TSPAN9: variants seen among roughly 807,000 people sequenced by gnomAD.
TSPAN9 encodes tetraspanin-9.
A neutral mutation model predicts 31.0 loss-of-function variants in TSPAN9; 16 were observed. That is an observed-to-expected ratio of 0.52 (90% CI 0.35 to 0.78). The LOEUF (loss-of-function observed/expected upper bound fraction) is 0.78, where lower values mean the gene tolerates loss of function less well. Among genes scored for constraint, TSPAN9 ranks in the 30% least tolerant of loss-of-function variants. TSPAN9 has a pLI of 0.01. For missense variants in TSPAN9, 272 were observed against 312.5 expected (o/e 0.87, Z 0.98); for synonymous variants, 145 against 121.6 (o/e 1.19, Z -1.27).
At chr12:3,161,089 G>A (rs193289703) in intron 2 of TSPAN9, among the ~76,000 whole-genome samples, 5 of 152,270 alleles carry the variant, frequency 3.3e-5, no homozygotes, top group Admixed American at 1.3e-4. Flanking sequence ...GCATGGTGGT[G>A]CATACCTGTA....
Position 3,275,334 on chromosome 12 carries a change from C to T in TSPAN9, c.64-3087C>T, listed in dbSNP as rs973391811. On this transcript the variant is annotated intron_variant, in intron 3 of 8. Coordinates refer to ENST00000011898, the MANE Select transcript of TSPAN9 (RefSeq NM_006675.5). ...GCCCGAGAAGGGTCCGGGCTCTGAG[C>T]TCTGGGGTCCTGCGTGTCTCCAGCT... Among the ~76,000 whole-genome samples, 24 of 152,198 alleles carry T rather than the reference C, an allele frequency of 1.6e-4. 1 individual carries two copies. Among genetic ancestry groups the T allele is most frequent in the Admixed American group, 1.3e-3 (20 of 15,288 alleles).
At chr12:3,271,974 GT>G (rs926467976) in intron 3 of TSPAN9, among the ~76,000 whole-genome samples, 6 of 152,120 alleles carry the variant, frequency 3.9e-5, no homozygotes, top group African/African-American at 1.4e-4. Context: ...AGCTGTTTTG[GT>G]TTTTTTCTTT....
intron 2 of TSPAN9, among the ~76,000 whole-genome samples, chr12:3,126,501 A>G (rs551418066): frequency 9.2e-5 from 14 of 152,254 alleles, no homozygotes; most frequent in African/African-American, 3.4e-4. Context: ...CCTTTACCGC[A>G]CCTTTTCTAT....
intron 2 of TSPAN9, among the ~76,000 whole-genome samples, chr12:3,127,380 G>A (rs2153966687): frequency 6.6e-6 from 1 of 151,760 alleles, no homozygotes; most frequent in South Asian, 2.1e-4. Flanking sequence ...TTTTGAGACG[G>A]AGTCTTGCAC....
chr12:3,078,753 GTGCAAGTCCC>G (rs1483254319), intron 1 of TSPAN9, among the ~76,000 whole-genome samples: 1 of 151,698 alleles, frequency 6.6e-6, no homozygotes, highest in Non-Finnish European at 1.5e-5. Flanking sequence ...GACGCCCTGT[GTGCAAGTCCC>G]TGAACAGGTG....
At chr12:3,210,355 C>T (rs1339313108) in intron 3 of TSPAN9, among the ~76,000 whole-genome samples, 2 of 152,126 alleles carry the variant, frequency 1.3e-5, no homozygotes, top group South Asian at 2.1e-4. Context: ...TTTTGGCATT[C>T]TCCAGTACAG....
intron 2 of TSPAN9, among the ~76,000 whole-genome samples, chr12:3,182,467 CTT>C (rs559037493): frequency 1.4e-5 from 2 of 146,784 alleles, no homozygotes; most frequent in African/African-American, 2.5e-5. Flanking sequence ...CTCTTCCTAC[CTT>C]TTTTTTTTTC....
intron 3 of TSPAN9, among the ~76,000 whole-genome samples, chr12:3,260,321 C>G (rs1431448804): frequency 1.3e-5 from 2 of 152,230 alleles, no homozygotes; most frequent in Non-Finnish European, 2.9e-5. Flanking sequence ...TGTCACATGC[C>G]TTGGGGTGGG....
At chr12:3,153,152 C>T (rs1009922124) in intron 2 of TSPAN9, among the ~76,000 whole-genome samples, 3 of 152,178 alleles carry the variant, frequency 2.0e-5, no homozygotes, top group African/African-American at 7.2e-5. Flanking sequence ...TTGTGCCTTA[C>T]CCCTGTGGCA....
chr12:3,124,975 A>T (rs1264422362), intron 2 of TSPAN9: 1 of 152,058 alleles, frequency 6.6e-6, no homozygotes, highest in African/African-American at 2.4e-5. Flanking sequence ...AGGTGGGAGG[A>T]TTACTCAAGC....
At chr12:3,094,847 C>CTTTTTTTTTTT (rs61154605) in intron 2 of TSPAN9, among the ~76,000 whole-genome samples, 1 of 101,942 alleles carries the variant, frequency 9.8e-6, no homozygotes. Context: ...AATCAATAAT[C>CTTTTTTTTTTT]TTTTTTTTTT....
At chr12:3,248,056 A>G (rs192051650) in intron 3 of TSPAN9, among the ~76,000 whole-genome samples, 86 of 152,154 alleles carry the variant, frequency 5.7e-4, no homozygotes, top group Non-Finnish European at 1.1e-3. Flanking sequence ...GATGTGCTCA[A>G]CCTCTCCGGA....
At chr12:3,165,215 A>G (rs1197864690) in intron 2 of TSPAN9, among the ~76,000 whole-genome samples, 2 of 152,198 alleles carry the variant, frequency 1.3e-5, no homozygotes, top group Non-Finnish European at 2.9e-5. Flanking sequence ...TCCTAATGGA[A>G]TGAAGGTCTT....
At chr12:3,201,394 G>C in intron 3 of TSPAN9, 138 bp downstream of exon 3, 1 of 747,580 alleles carries the variant, frequency 1.3e-6, no homozygotes, top group Non-Finnish European at 2.2e-6. Flanking sequence ...AAAAAAAATT[G>C]CCCCCGCCCC....
intron 2 of TSPAN9, among the ~76,000 whole-genome samples, chr12:3,176,401 C>T (rs538293532): frequency 3.3e-5 from 5 of 152,304 alleles, no homozygotes; most frequent in East Asian, 3.9e-4. Flanking sequence ...AGGAACCACG[C>T]GGCTGTGTGC....
chr12:3,148,340 A>G (rs1565593045), intron 2 of TSPAN9, among the ~76,000 whole-genome samples: 1 of 152,236 alleles, frequency 6.6e-6, no homozygotes, highest in Non-Finnish European at 1.5e-5. Flanking sequence ...TAGTGGAACC[A>G]AGTTTTGGTC....
chr12:3,240,938 A>G (rs1302910900), intron 3 of TSPAN9, among the ~76,000 whole-genome samples: 1 of 152,212 alleles, frequency 6.6e-6, no homozygotes, highest in Non-Finnish European at 1.5e-5. Context: ...TGCCAACAAT[A>G]GTATGCTATT....
At chr12:3,134,022 G>A (rs2098330983) in intron 2 of TSPAN9, among the ~76,000 whole-genome samples, 1 of 152,166 alleles carries the variant, frequency 6.6e-6, no homozygotes, top group Non-Finnish European at 1.5e-5. Flanking sequence ...TCTTGGAACA[G>A]CCCCTTAGAA....
At chr12:3,216,777 G>A (rs754870159) in intron 3 of TSPAN9, among the ~76,000 whole-genome samples, 10 of 152,244 alleles carry the variant, frequency 6.6e-5, no homozygotes, top group Non-Finnish European at 1.2e-4. Context: ...AAACGTCCAC[G>A]TGGGCTTTTT....
Sources: allele counts gnomAD v4.1 joint callset (sites outside exome capture counted in the v4.1 genomes callset), GRCh38; gene constraint gnomAD v4.1.1; transcripts MANE v1.5; gene names NCBI Gene and HGNC (gene_info 2026-07-23, HGNC 2026-07-21).